MAP7: variants seen among roughly 807,000 people sequenced by gnomAD.
The protein encoded by MAP7 is ensconsin.
MAP7 carries 52 observed loss-of-function variants against 94.8 expected under a neutral mutation model. That is an observed-to-expected ratio of 0.55 (90% CI 0.44 to 0.69). MAP7 has a LOEUF of 0.69. MAP7 is among the 30% of genes least tolerant of loss of function. The pLI is 0.00. For synonymous variants in MAP7, 350 were observed against 357.0 expected, an observed-to-expected ratio of 0.98 and a Z score of 0.22; for missense variants, 940 against 964.6, an observed-to-expected ratio of 0.97 and a Z score of 0.34.
intron 5 of MAP7, among the ~76,000 whole-genome samples, chr6:136,384,364 G>A (rs948959302): frequency 6.6e-6 from 1 of 152,022 alleles, no homozygotes; most frequent in Non-Finnish European, 1.5e-5. Flanking sequence ...TTTAAGAAAC[G>A]TTCCTTTATT....
chr6:136,366,721 C>T (rs1794423109), intron 8 of MAP7, among the ~76,000 whole-genome samples: 1 of 151,904 alleles, frequency 6.6e-6, no homozygotes, highest in African/African-American at 2.4e-5. Flanking sequence ...AGCACCTATA[C>T]TTTGTGTCTA....
chr6:136,390,632 C>T (rs191600000), intron 3 of MAP7, among the ~76,000 whole-genome samples: 49 of 152,084 alleles, frequency 3.2e-4, no homozygotes, highest in East Asian at 7.7e-4. Context: ...CAGCCTTGGA[C>T]GACAGAGTGA....
chr6:136,408,876 T>C (rs1409206097), intron 3 of MAP7, among the ~76,000 whole-genome samples: 1 of 152,118 alleles, frequency 6.6e-6, no homozygotes, highest in Non-Finnish European at 1.5e-5. Context: ...GTACTGAAGA[T>C]TTTTTAGAAA....
intron 1 of MAP7, among the ~76,000 whole-genome samples, chr6:136,533,666 G>A (rs9389400): frequency 0.12 from 18,285 of 152,136 alleles, 2,781 homozygotes; most frequent in African/African-American, 0.36. Context: ...TCTGTTGAGG[G>A]CTCAGGACGT....
At chr6:136,457,116 T>C (rs1803535868) in intron 1 of MAP7, among the ~76,000 whole-genome samples, 2 of 148,972 alleles carry the variant, frequency 1.3e-5, no homozygotes, top group Non-Finnish European at 3.0e-5. Flanking sequence ...GGAGATATTA[T>C]AACTGATGCC....
At chr6:136,494,588 C>A (rs911396906) in intron 1 of MAP7, among the ~76,000 whole-genome samples, 1 of 152,104 alleles carries the variant, frequency 6.6e-6, no homozygotes, top group Admixed American at 6.6e-5. Context: ...ATGTCTTTTA[C>A]CATGATTAAG....
At chr6:136,466,888 G>A (rs915647990) in intron 1 of MAP7, 165 of 1,517,494 alleles carry the variant, frequency 1.1e-4, no homozygotes, top group Non-Finnish European at 1.3e-4. Flanking sequence ...TGAAGGGGCC[G>A]TTTAATCATG....
At chr6:136,515,649 G>A (rs1824583654) in intron 1 of MAP7, among the ~76,000 whole-genome samples, 1 of 152,184 alleles carries the variant, frequency 6.6e-6, no homozygotes, top group Non-Finnish European at 1.5e-5. Flanking sequence ...AGAAATGGCT[G>A]GGTTGGTGGA....
At chr6:136,418,359 C>T (rs1313059741) in intron 2 of MAP7, among the ~76,000 whole-genome samples, 3 of 152,076 alleles carry the variant, frequency 2.0e-5, no homozygotes, top group African/African-American at 4.8e-5. Context: ...GGGTTATGGG[C>T]GCGCACTACC....
At chr6:136,434,695 A>AT in intron 1 of MAP7, among the ~76,000 whole-genome samples, 1 of 152,118 alleles carries the variant, frequency 6.6e-6, no homozygotes, top group Non-Finnish European at 1.5e-5. Flanking sequence ...GAACATCTAA[A>AT]TGTAGTAACA....
chr6:136,450,359 AT>A (rs544366797), intron 1 of MAP7, among the ~76,000 whole-genome samples: 5 of 151,742 alleles, frequency 3.3e-5, no homozygotes, highest in South Asian at 2.1e-4. Flanking sequence ...ATAAACATAG[AT>A]TTTTTTTTAA....
At chr6:136,361,259 G>T in intron 11 of MAP7, 80 bp from the exon 12 acceptor site, 1 of 1,483,260 alleles carries the variant, frequency 6.7e-7, no homozygotes, top group Non-Finnish European at 9.2e-7. Context: ...CGGTGGTTCT[G>T]TAGGGCGGTT....
intron 1 of MAP7, chr6:136,466,961 T>G (rs1807329035): frequency 2.3e-6 from 3 of 1,292,008 alleles, no homozygotes; most frequent in Non-Finnish European, 3.0e-6. Flanking sequence ...TGGTGAGACA[T>G]ACAACTCGAC....
intron 1 of MAP7, among the ~76,000 whole-genome samples, chr6:136,427,941 T>C (rs1793682860): frequency 6.6e-6 from 1 of 152,208 alleles, no homozygotes; most frequent in Non-Finnish European, 1.5e-5. Context: ...TAGAAAATGA[T>C]ATTAAACCAA....
intron 3 of MAP7, among the ~76,000 whole-genome samples, chr6:136,402,971 A>T (rs959735122): frequency 6.6e-6 from 1 of 150,562 alleles, no homozygotes; most frequent in Non-Finnish European, 1.5e-5. Context: ...AGGACTTACT[A>T]TCTCAGGGCT....
At chr6:136,518,040 C>G (rs975736243) in intron 1 of MAP7, among the ~76,000 whole-genome samples, 1 of 152,220 alleles carries the variant, frequency 6.6e-6, no homozygotes, top group African/African-American at 2.4e-5. Context: ...TGGTCATGCA[C>G]TCAGCTGGTG....
At chr6:136,492,331 A>G (rs1583057532) in intron 1 of MAP7, among the ~76,000 whole-genome samples, 2 of 152,254 alleles carry the variant, frequency 1.3e-5, no homozygotes, top group African/African-American at 4.8e-5. Flanking sequence ...TACACCTAGT[A>G]TCTTTACAGT....
intron 3 of MAP7, among the ~76,000 whole-genome samples, chr6:136,400,889 T>C (rs1783875401): frequency 6.6e-6 from 1 of 152,246 alleles, no homozygotes; most frequent in Non-Finnish European, 1.5e-5. Context: ...CATTCTTCCC[T>C]GCTCCAAACT....
rs368694575 is a variant in MAP7 at position 136,389,506 on chromosome 6, T to C, written c.256A>G (p.Ile86Val). Residue 86 changes from isoleucine (I) to valine (V), a missense_variant, in exon 4 of 18, where the codon ATA becomes GTA. By Grantham distance (29) the Ile-to-Val change is conservative. Transcript: ENST00000354570. The stretch of plus-strand genomic sequence containing the variant: ...CGCTCTTCTCTTTCTAACCACACTA[T>C]TTCTCTTGCAGCTTTGGGGAGGGTT... ...EREKQLAARE[I>V]VWLEREERAR... 6.8e-6 allele frequency: 11 copies of C among 1,608,800 alleles called. No homozygotes were observed. Among genetic ancestry groups the C allele is most frequent in the African/African-American group, 2.7e-5 (2 of 74,142 alleles).
Sources: gnomAD v4.1 joint callset for allele counts (sites outside exome capture counted in the v4.1 genomes callset) on GRCh38, gnomAD v4.1.1 for gene constraint, MANE v1.5 for transcripts, NCBI Gene and HGNC (gene_info 2026-07-23, HGNC 2026-07-21) for gene names.